The following MAP2K2 variants were observed in gnomAD, a reference collection of about 807,000 sequenced individuals.
MAP2K2 encodes dual specificity mitogen-activated protein kinase kinase 2.
MAP2K2 carries 24 observed loss-of-function variants against 43.7 expected under a neutral mutation model. That is an observed-to-expected ratio of 0.55 (90% CI 0.40 to 0.77). The LOEUF (loss-of-function observed/expected upper bound fraction) is 0.77, where lower values mean the gene tolerates loss of function less well. Ranked by LOEUF, MAP2K2 falls within the 30% of genes least tolerant of loss-of-function variation. MAP2K2 has a pLI of 0.00. For missense variants in MAP2K2, 470 were observed against 566.8 expected, an observed-to-expected ratio of 0.83 and a Z score of 1.73; for synonymous variants, 244 against 239.7, an observed-to-expected ratio of 1.02 and a Z score of -0.17.
intron 3 of MAP2K2, 102 bp downstream of exon 3, chr19:4,110,407 C>T (rs754635562): frequency 2.8e-6 from 4 of 1,447,028 alleles, no homozygotes; most frequent in Non-Finnish European, 3.8e-6. Flanking sequence ...AGCCAGCGCA[C>T]TGTTGCCTCT....
In MAP2K2 at chr19:4,123,919, C is replaced by A. The variant is rs771364110; in HGVS notation, c.-44G>T. ...CGGCGGCGGCGCCTCTAGCCGGGGC[C>A]CATAGGGGGCGGGCCGGGAGCGGTC... On this transcript the variant is annotated 5_prime_UTR_variant, in exon 1 of 11. Transcript: ENST00000262948. 4.1e-6 allele frequency: 5 copies of A among 1,214,002 alleles called. No homozygotes were observed. The highest frequency in any genetic ancestry group is 4.2e-6 in the Non-Finnish European group (4 of 945,816). 75.2% of individuals were successfully genotyped at this position (1,214,002 alleles called of 1,614,324 possible). A position where few individuals can be genotyped will look rare whatever the true frequency, so the allele number is the denominator to read the frequency against.
chr19:4,116,825 G>A (rs555850094), intron 2 of MAP2K2, among the ~76,000 whole-genome samples: 1 of 152,090 alleles, frequency 6.6e-6, no homozygotes, highest in South Asian at 2.1e-4. Context: ...AGCTACTCGG[G>A]AGGCTGAGGC....
chr19:4,101,306 C>T lies in MAP2K2; in HGVS notation c.529-26G>A, dbSNP rs139730969. 1.5e-3 allele frequency: 2,406 copies of T among 1,565,832 alleles called. 51 individuals carry two copies. In the East Asian group the frequency reaches 0.041, roughly 27 times the overall value. On this transcript the variant is annotated intron_variant, in intron 4 of 10. Coordinates refer to ENST00000262948, the MANE Select transcript of MAP2K2 (RefSeq NM_030662.4). The surrounding 1 kb of genome is among the most constrained non-coding windows in gnomAD (Gnocchi z 6.3). ...CTGCAGGGGAGCGCGGAGGGAGTCA[C>T]GGGACAAGGCCACCAGGGCTTAGCT... is the stretch of plus-strand genomic sequence containing the variant.
intron 10 of MAP2K2, among the ~76,000 whole-genome samples, chr19:4,093,201 AGAGT>A (rs2040871169): frequency 6.6e-6 from 1 of 151,742 alleles, no homozygotes; most frequent in Non-Finnish European, 1.5e-5. Context: ...CTGGGTGACA[AGAGT>A]GAGACTTCAT....
At chr19:4,110,791 G>T in intron 2 of MAP2K2, 136 bp from the exon 3 acceptor site, 1 of 896,728 alleles carries the variant, frequency 1.1e-6, no homozygotes, top group Non-Finnish European at 1.7e-6. Context: ...TCCACCCCTA[G>T]GTGTCTGCCT....
intron 3 of MAP2K2, among the ~76,000 whole-genome samples, chr19:4,105,525 GC>G (rs2041075374): frequency 2.6e-5 from 4 of 152,078 alleles, no homozygotes; most frequent in Admixed American, 2.6e-4. Flanking sequence ...GCCCGCCTCG[GC>G]CTCCCAAAGT....
intron 3 of MAP2K2, among the ~76,000 whole-genome samples, chr19:4,105,876 C>T (rs2041079861): frequency 6.6e-6 from 1 of 151,940 alleles, no homozygotes; most frequent in Admixed American, 6.6e-5. Context: ...GTTGCCCAGG[C>T]TGCTCTCGAA....
At chr19:4,116,291 G>A (rs2041220093) in intron 2 of MAP2K2, among the ~76,000 whole-genome samples, 1 of 152,160 alleles carries the variant, frequency 6.6e-6, no homozygotes, top group South Asian at 2.1e-4. Context: ...AGCACTTTGG[G>A]AGGCCGAGGC....
chr19:4,114,558 C>A (rs2145075957), intron 2 of MAP2K2, among the ~76,000 whole-genome samples: 1 of 152,372 alleles, frequency 6.6e-6, no homozygotes, highest in Admixed American at 6.5e-5. Context: ...TCACCTATCT[C>A]CCTGGCCCAG....
At position 4,101,133 on chromosome 19, in the gene MAP2K2, G is replaced by A. The variant is rs2145054504; in HGVS notation, c.591C>T (p.Pro197=). The change falls in exon 6 of 11, where the codon CCC becomes CCT. Residue 197 remains proline, a synonymous_variant. Transcript: ENST00000262948. This position sits in a 1 kb window ranked among gnomAD's most constrained non-coding sequence, Gnocchi z 6.3. Reference sequence around the variant, plus strand: ...CTCTAGAGTTCACGAGGATGTTGGAGGGCTTCACATCTGGAGGCGGCAGGC... The same window carrying A: ...CTCTAGAGTTCACGAGGATGTTGGAAGGCTTCACATCTGGAGGCGGCAGGC... The part of the protein sequence containing the change: ...KHQIMHRDVK[P]SNILVNSRGE... 1 of 1,609,086 alleles carries A rather than the reference G, an allele frequency of 6.2e-7. No homozygotes were observed. The highest frequency in any genetic ancestry group is 8.5e-7 in the Non-Finnish European group (1 of 1,177,872).
chr19:4,113,136 A>G (rs1345971897), intron 2 of MAP2K2, among the ~76,000 whole-genome samples: 1 of 152,132 alleles, frequency 6.6e-6, no homozygotes, highest in Admixed American at 6.5e-5. Flanking sequence ...GGCCGTCGCA[A>G]GTCGTAATTT....
chr19:4,101,775 G>A lies in MAP2K2; in HGVS notation c.529-495C>T, dbSNP rs776585546. Among the ~76,000 whole-genome samples, 27 of 152,292 alleles carry A rather than the reference G, an allele frequency of 1.8e-4. No individual in the cohort carries two copies. Among genetic ancestry groups the A allele is most frequent in the Non-Finnish European group, 3.4e-4 (23 of 68,010 alleles). ...AAGCAAGCAGCACAGGCAGTGTGAC[G>A]GCAGCTTTCAACTCGGAAACGCGTG... On this transcript the variant is annotated intron_variant, in intron 4 of 10. Coordinates refer to ENST00000262948, the MANE Select transcript of MAP2K2 (RefSeq NM_030662.4). This position sits in a 1 kb window ranked among gnomAD's most constrained non-coding sequence, Gnocchi z 6.3.
At chr19:4,118,765 G>C (rs985715698) in intron 1 of MAP2K2, among the ~76,000 whole-genome samples, 1 of 152,178 alleles carries the variant, frequency 6.6e-6, no homozygotes, top group Non-Finnish European at 1.5e-5. Flanking sequence ...CTGGGTGACA[G>C]AGCAAGACCT....
chr19:4,115,947 C>T lies in MAP2K2; in HGVS notation c.303+1472G>A, dbSNP rs987601368. On this transcript the variant is annotated intron_variant, in intron 2 of 10. Transcript: ENST00000262948. This position sits in a 1 kb window ranked among gnomAD's most constrained non-coding sequence, Gnocchi z 4.1. ...ACATCCTCCCTGTATCCCCTGGGCA[C>T]TATTCTCAAACACAGAGCACAGAGG... Among the ~76,000 whole-genome samples the T allele has an allele frequency of 6.6e-6, 1 of 152,194 alleles. No homozygotes were observed. The highest frequency in any genetic ancestry group is 1.5e-5 in the Non-Finnish European group (1 of 68,038).
chr19:4,102,807 T>C (rs2041033468), intron 3 of MAP2K2: 5 of 1,230,526 alleles, frequency 4.1e-6, no homozygotes, highest in Admixed American at 3.5e-5. Flanking sequence ...CCGCACTCCC[T>C]GCAGCCTACG....
chr19:4,104,941 G>A (rs975823285), intron 3 of MAP2K2: 5 of 152,382 alleles, frequency 3.3e-5, no homozygotes, highest in African/African-American at 1.2e-4. Context: ...TCCCCCAGTT[G>A]TGACAACCAC....
At chr19:4,091,268 G>A (rs1211019316) in intron 10 of MAP2K2, among the ~76,000 whole-genome samples, 1 of 152,196 alleles carries the variant, frequency 6.6e-6, no homozygotes, top group East Asian at 1.9e-4. Context: ...TGAGGCTCCA[G>A]AGCCCCTGGA....
At chr19:4,102,298 C>T (rs1330197288) in intron 4 of MAP2K2, 78 bp downstream of exon 4, 18 of 1,287,098 alleles carry the variant, frequency 1.4e-5, no homozygotes, top group African/African-American at 2.9e-5. Context: ...CTGTGAGTGG[C>T]TCCCGGAACC....
At chr19:4,110,686 G>C (rs377601348) in intron 2 of MAP2K2, 31 bp from the exon 3 acceptor site, 127 of 1,601,510 alleles carry the variant, frequency 7.9e-5, no homozygotes, top group Middle Eastern at 3.3e-4. Flanking sequence ...GACTGGCTTG[G>C]GGGGTGCCCG....
Sources: gnomAD v4.1 joint callset for allele counts (sites outside exome capture counted in the v4.1 genomes callset) on GRCh38, gnomAD v4.1.1 for gene constraint, Gnocchi (gnomAD v3.1) non-coding constraint, MANE v1.5 for transcripts, NCBI Gene and HGNC (gene_info 2026-07-23, HGNC 2026-07-21) for gene names.